APPL2: variants seen among roughly 807,000 people sequenced by gnomAD.
The protein encoded by APPL2 is DCC-interacting protein 13-beta.
A neutral mutation model predicts 92.7 loss-of-function variants in APPL2; 84 were observed. That is an observed-to-expected ratio of 0.91 (90% CI 0.76 to 1.09). APPL2 has a LOEUF of 1.09. Ranked by LOEUF, APPL2 falls within the 50% of genes least tolerant of loss-of-function variation. The probability of loss-of-function intolerance (pLI) is 0.00; values close to 1 mark genes in which losing one functional copy is unlikely to be tolerated. For missense variants in APPL2, 736 were observed against 824.5 expected (o/e 0.89, Z 1.31); for synonymous variants, 291 against 291.0 (o/e 1.00, Z 0.00).
rs566342590 is a variant in APPL2, at chr12:105,217,848, A to G, written c.154-123T>C. Reference sequence around the variant, plus strand: ...CTGGGTCCAGTGGTGCACACCTATAATCCTAGTACTTTGGGAGATTGAGGC... The same window carrying G: ...CTGGGTCCAGTGGTGCACACCTATAGTCCTAGTACTTTGGGAGATTGAGGC... On this transcript the variant is annotated intron_variant, in intron 2 of 20. Coordinates refer to ENST00000258530, the MANE Select transcript of APPL2 (RefSeq NM_018171.5). 5.0e-6 allele frequency: 4 copies of G among 794,352 alleles called. No individual in the cohort carries two copies. In the East Asian group the frequency reaches 1.1e-4, roughly 21 times the overall value. 49.2% of individuals were successfully genotyped at this position (794,352 alleles called of 1,614,324 possible).
Position 105,215,162 on chromosome 12 carries a change from T to C in APPL2, c.285+1907A>G, listed in dbSNP as rs186429911. Among the ~76,000 whole-genome samples the C allele has an allele frequency of 1.2e-4, 19 of 152,302 alleles. No individual in the cohort carries two copies. The East Asian group carries it at 3.7e-3, about 29-fold the overall frequency. The stretch of plus-strand genomic sequence containing the variant: ...GGGGATGTTGCAGGAACCCCTAGTT[T>C]ATAGCTCGTTTGTCAGAAGTACCAG... On this transcript the variant is annotated intron_variant, in intron 4 of 20. Coordinates refer to ENST00000258530, the MANE Select transcript of APPL2 (RefSeq NM_018171.5).
intron 15 of APPL2, 63 bp from the exon 16 acceptor site, chr12:105,189,887 G>T: frequency 6.2e-7 from 1 of 1,611,190 alleles, no homozygotes; most frequent in South Asian, 1.1e-5. Context: ...CTTAACACTT[G>T]AACTGGAAAT....
chr12:105,174,876 TGG>T lies in APPL2; in HGVS notation c.1861-430_1861-429del, dbSNP rs59473626. On this transcript the variant is annotated intron_variant, in intron 20 of 20. Transcript: ENST00000258530. The stretch of plus-strand genomic sequence containing the variant: ...CCATGCTGCTGCTGCTTTTTTTTGG[TGG>T]GGGGGGGGGTGGTGCGGCGGTTGGA... 8.2e-4 allele frequency among the ~76,000 whole-genome samples: 73 copies of T among 88,910 alleles called. 1 individual carries two copies. Among genetic ancestry groups the T allele is most frequent in the East Asian group, 2.3e-3 (6 of 2,638 alleles). The allele number at this position is 88,910 out of a possible 152,430, so 58.3% of individuals were successfully genotyped here.
chr12:105,208,875 A>G (rs562559530), intron 5 of APPL2, among the ~76,000 whole-genome samples: 25 of 152,312 alleles, frequency 1.6e-4, no homozygotes, highest in African/African-American at 6.0e-4. Context: ...ACCTAAAAGA[A>G]AGTGACACTT....
intron 17 of APPL2, among the ~76,000 whole-genome samples, chr12:105,185,259 G>C (rs549708768): frequency 8.5e-5 from 13 of 152,316 alleles, no homozygotes; most frequent in African/African-American, 2.4e-4. Flanking sequence ...CTTTCCAGGG[G>C]AGTGAACAGT....
At chr12:105,217,843 C>G in intron 2 of APPL2, 118 bp from the exon 3 acceptor site, 1 of 853,858 alleles carries the variant, frequency 1.2e-6, no homozygotes, top group Non-Finnish European at 1.9e-6. Flanking sequence ...TGGTGCACAC[C>G]TATAATCCTA....
intron 1 of APPL2, among the ~76,000 whole-genome samples, chr12:105,230,319 G>T (rs535891090): frequency 1.3e-5 from 2 of 152,242 alleles, no homozygotes; most frequent in East Asian, 3.9e-4. Context: ...AACACAAAAA[G>T]CACTAGAGAA....
chr12:105,191,725 G>A (rs1179020167), intron 14 of APPL2, among the ~76,000 whole-genome samples: 1 of 152,146 alleles, frequency 6.6e-6, no homozygotes, highest in East Asian at 1.9e-4. Flanking sequence ...CATCATAATT[G>A]ACTTAAAGCA....
intron 17 of APPL2, among the ~76,000 whole-genome samples, chr12:105,185,109 C>T (rs112443877): frequency 0.019 from 2,840 of 152,284 alleles, 47 homozygotes; most frequent in South Asian, 0.033. Flanking sequence ...CCCTCCCCCC[C>T]ACCAAGCTCG....
In APPL2 at chr12:105,195,693, T is replaced by A. The variant is rs1266604488; in HGVS notation, c.1053-66A>T. The A allele has an allele frequency of 3.8e-6, 6 of 1,567,540 alleles. 1 individual carries two copies. In the Admixed American group the frequency reaches 8.3e-5, roughly 22 times the overall value. On this transcript the variant is annotated intron_variant, in intron 11 of 20. Transcript: ENST00000258530. ...CTCAGTGACTGGGAATTTCTCTACA[T>A]AAACTGAACTTAGCTGGGGTGTGGG...
intron 5 of APPL2, among the ~76,000 whole-genome samples, chr12:105,210,975 C>A (rs915287616): frequency 1.3e-5 from 2 of 152,180 alleles, no homozygotes; most frequent in African/African-American, 4.8e-5. Context: ...TACTCCTGTG[C>A]GTCTCTGTCC....
At chr12:105,179,247 T>TAAA (rs1885869535) in intron 17 of APPL2, among the ~76,000 whole-genome samples, 1 of 152,218 alleles carries the variant, frequency 6.6e-6, no homozygotes, top group Non-Finnish European at 1.5e-5. Context: ...TTTGGTTTTC[T>TAAA]GTTCCTGTGT....
At chr12:105,235,576 G>A (rs1107755) in intron 1 of APPL2, among the ~76,000 whole-genome samples, 20,271 of 152,228 alleles carry the variant, frequency 0.13, 1,677 homozygotes, top group Non-Finnish European at 0.19. Flanking sequence ...ACAACCCTAT[G>A]AAGCAGGCAC....
intron 14 of APPL2, among the ~76,000 whole-genome samples, chr12:105,193,736 T>A (rs1887419960): frequency 6.6e-6 from 1 of 152,190 alleles, no homozygotes; most frequent in East Asian, 1.9e-4. Context: ...TAAAAACATT[T>A]GTTTACGTTC....
chr12:105,199,346 A>C (rs1342814698), intron 10 of APPL2, 27 bp downstream of exon 10: 2 of 1,596,708 alleles, frequency 1.3e-6, no homozygotes, highest in East Asian at 2.3e-5. Context: ...GGATTTCAGA[A>C]AAAGAGGCAG....
intron 9 of APPL2, among the ~76,000 whole-genome samples, chr12:105,199,990 G>GTT (rs988663027): frequency 7.0e-6 from 1 of 143,416 alleles, no homozygotes; most frequent in Non-Finnish European, 1.5e-5. Flanking sequence ...GGCTAATTTT[G>GTT]TTTTTTTTTT....
Position 105,177,252 on chromosome 12 carries a change from GATCT to G in APPL2, c.1641_1644del (p.Asp548HisfsTer43), listed in dbSNP as rs753899114. 8.7e-6 allele frequency: 14 copies of G among 1,613,644 alleles called. No homozygotes were observed. Among genetic ancestry groups the G allele is most frequent in the Non-Finnish European group, 1.1e-5 (13 of 1,179,712 alleles). ...TTGGCCCTTGATACTTGAGTCTGTGGATCTATCAACCTGAAATTTTAAAAGATAC... is the reference window on the plus strand; with the variant it reads ...TTGGCCCTTGATACTTGAGTCTGTGGATCAACCTGAAATTTTAAAAGATAC... On this transcript the variant is annotated frameshift_variant, in exon 18 of 21. Coordinates refer to ENST00000258530, the MANE Select transcript of APPL2 (RefSeq NM_018171.5). LOFTEE classifies it high-confidence loss of function.
At chr12:105,213,538 T>C (rs1889391371) in intron 4 of APPL2, among the ~76,000 whole-genome samples, 1 of 152,210 alleles carries the variant, frequency 6.6e-6, no homozygotes, top group South Asian at 2.1e-4. Flanking sequence ...CTGTCTCAGG[T>C]GCACTCAAAA....
intron 17 of APPL2, among the ~76,000 whole-genome samples, chr12:105,178,888 G>A (rs1592751679): frequency 6.6e-6 from 1 of 152,126 alleles, no homozygotes; most frequent in Non-Finnish European, 1.5e-5. Context: ...ACTTTCATAG[G>A]TATTTTGTAA....
Sources: gnomAD v4.1 joint callset for allele counts (sites outside exome capture counted in the v4.1 genomes callset) on GRCh38, gnomAD v4.1.1 for gene constraint, MANE v1.5 for transcripts, NCBI Gene and HGNC (gene_info 2026-07-23, HGNC 2026-07-21) for gene names.